LRFN5: variants seen among roughly 807,000 people sequenced by gnomAD.
LRFN5 encodes the protein leucine-rich repeat and fibronectin type-III domain-containing protein 5.
LRFN5 carries 24 observed loss-of-function variants against 45.6 expected under a neutral mutation model. The ratio of observed to expected loss-of-function variants is 0.53; its 90% confidence interval spans 0.38 to 0.74. LRFN5 has a LOEUF of 0.74. Ranked by LOEUF, LRFN5 falls within the 30% of genes least tolerant of loss-of-function variation. The pLI is 0.00. For synonymous variants in LRFN5, 340 were observed against 313.8 expected, an observed-to-expected ratio of 1.08 and a Z score of -0.88; for missense variants, 776 against 861.5, an observed-to-expected ratio of 0.90 and a Z score of 1.24.
chr14:41,629,891 T>A (rs547109639), intron 1 of LRFN5, among the ~76,000 whole-genome samples: 1 of 152,312 alleles, frequency 6.6e-6, no homozygotes, highest in African/African-American at 2.4e-5. Context: ...TACTTTTTTT[T>A]ATGTAGTGGC....
chr14:41,640,446 C>A (rs576691169), intron 1 of LRFN5, among the ~76,000 whole-genome samples: 13 of 152,162 alleles, frequency 8.5e-5, no homozygotes, highest in African/African-American at 2.9e-4. Flanking sequence ...AATAAGCAAA[C>A]TGAGGATGCA....
chr14:41,712,403 A>G (rs1295426769), intron 1 of LRFN5, among the ~76,000 whole-genome samples: 1 of 152,154 alleles, frequency 6.6e-6, no homozygotes. Flanking sequence ...TGACATAGAC[A>G]TCTCTATGAC....
At chr14:41,731,812 A>G (rs1026768875) in intron 1 of LRFN5, 2 of 152,334 alleles carry the variant, frequency 1.3e-5, no homozygotes, top group Admixed American at 1.3e-4. Context: ...TTAGCTAGGC[A>G]AAGAAGAGGA....
At chr14:41,856,679 T>TA (rs1566486513) in intron 2 of LRFN5, among the ~76,000 whole-genome samples, 2 of 60,094 alleles carry the variant, frequency 3.3e-5, no homozygotes, top group African/African-American at 1.1e-4. Context: ...ATTATTATTT[T>TA]TTTTTTTTTT....
chr14:41,756,376 A>G (rs1885382552), intron 1 of LRFN5, among the ~76,000 whole-genome samples: 1 of 152,134 alleles, frequency 6.6e-6, no homozygotes, highest in South Asian at 2.1e-4. Flanking sequence ...ACTTGGTTCC[A>G]TTCTCCCCGT....
chr14:41,676,841 A>T (rs1422856934), intron 1 of LRFN5, among the ~76,000 whole-genome samples: 1 of 152,172 alleles, frequency 6.6e-6, no homozygotes, highest in Admixed American at 6.5e-5. Context: ...CATCACAGAC[A>T]TCCCTGTGGA....
At chr14:41,837,876 C>G (rs1439027019) in intron 2 of LRFN5, among the ~76,000 whole-genome samples, 1 of 152,180 alleles carries the variant, frequency 6.6e-6, no homozygotes, top group Non-Finnish European at 1.5e-5. Context: ...ATTTAATTCT[C>G]TTTTATGGAC....
At chr14:41,610,683 A>AAAAAAAAAAAAAAAAAAAAAAAAAAAT (rs1887720009) in intron 1 of LRFN5, among the ~76,000 whole-genome samples, 3 of 144,732 alleles carry the variant, frequency 2.1e-5, no homozygotes, top group Non-Finnish European at 3.0e-5. Context: ...AAAAAAAAAA[A>AAAAAAAAAAAAAAAAAAAAAAAAAAAT]GTGTATTGCC....
At chr14:41,760,050 G>T (rs549498390) in intron 1 of LRFN5, among the ~76,000 whole-genome samples, 4 of 152,038 alleles carry the variant, frequency 2.6e-5, no homozygotes, top group Admixed American at 2.0e-4. Flanking sequence ...ACTGTCATTC[G>T]TACGACCCAC....
intron 1 of LRFN5, among the ~76,000 whole-genome samples, chr14:41,708,056 C>T (rs1883138228): frequency 6.6e-6 from 1 of 151,706 alleles, no homozygotes; most frequent in South Asian, 2.1e-4. Context: ...TTATCAAAAC[C>T]AATTTTTGAT....
intron 1 of LRFN5, among the ~76,000 whole-genome samples, chr14:41,670,300 TATATAC>T (rs1281288496): frequency 0.14 from 3,805 of 27,612 alleles, 348 homozygotes; most frequent in East Asian, 0.47. Flanking sequence ...TATATATATA[TATATAC>T]ACACACACAG....
chr14:41,784,860 C>T (rs1886662168), intron 2 of LRFN5, among the ~76,000 whole-genome samples: 1 of 152,116 alleles, frequency 6.6e-6, no homozygotes, highest in African/African-American at 2.4e-5. Context: ...AACTCCTGAT[C>T]TCAGGTGATC....
At chr14:41,710,262 C>G (rs1883228019) in intron 1 of LRFN5, among the ~76,000 whole-genome samples, 1 of 151,978 alleles carries the variant, frequency 6.6e-6, no homozygotes, top group Non-Finnish European at 1.5e-5. Context: ...AGATACTGAC[C>G]AAGAGTCTCA....
intron 2 of LRFN5, among the ~76,000 whole-genome samples, chr14:41,831,972 A>T (rs1168390376): frequency 1.3e-5 from 2 of 152,052 alleles, no homozygotes; most frequent in East Asian, 1.9e-4. Context: ...AGAGAAAAAA[A>T]TTTTTAACTT....
At chr14:41,801,705 G>A (rs1217713847) in intron 2 of LRFN5, among the ~76,000 whole-genome samples, 2 of 152,126 alleles carry the variant, frequency 1.3e-5, no homozygotes, top group Non-Finnish European at 2.9e-5. Flanking sequence ...TGTTGGAGAT[G>A]GTAAATAACT....
chr14:41,651,571 G>A (rs187721568), intron 1 of LRFN5, among the ~76,000 whole-genome samples: 1 of 152,198 alleles, frequency 6.6e-6, no homozygotes, highest in East Asian at 1.9e-4. Flanking sequence ...TATCTGATAA[G>A]CCTGGAAAAT....
At chr14:41,741,035 G>T (rs1375278647) in intron 1 of LRFN5, among the ~76,000 whole-genome samples, 1 of 149,738 alleles carries the variant, frequency 6.7e-6, no homozygotes, top group African/African-American at 2.4e-5. Context: ...GTGAATGATT[G>T]ACTATGATGA....
chr14:41,835,004 A>G (rs959416592), intron 2 of LRFN5, among the ~76,000 whole-genome samples: 1 of 118,852 alleles, frequency 8.4e-6, no homozygotes, highest in African/African-American at 3.1e-5. Context: ...GAATTTCAGA[A>G]CAAATTAAAA....
At chr14:41,646,802 T>TC (rs901829296) in intron 1 of LRFN5, among the ~76,000 whole-genome samples, 2 of 152,202 alleles carry the variant, frequency 1.3e-5, no homozygotes, top group African/African-American at 4.8e-5. Context: ...GCCATGGGCC[T>TC]CCAGACAATT....
Sources: allele counts gnomAD v4.1 joint callset (sites outside exome capture counted in the v4.1 genomes callset), GRCh38; gene constraint gnomAD v4.1.1; transcripts MANE v1.5; gene names NCBI Gene and HGNC (gene_info 2026-07-23, HGNC 2026-07-21).